HECW1: variants seen among roughly 807,000 people sequenced by gnomAD.
HECW1 encodes the protein E3 ubiquitin-protein ligase HECW1.
In HECW1, 61 loss-of-function variants were observed where a neutral mutation model predicts 182.3. That is an observed-to-expected ratio of 0.33 (90% CI 0.27 to 0.41). The LOEUF is 0.41. Ranked by LOEUF, HECW1 falls within the 10% of genes least tolerant of loss-of-function variation. The probability of loss-of-function intolerance (pLI) is 1.00; values close to 1 mark genes in which losing one functional copy is unlikely to be tolerated. For synonymous variants in HECW1, 859 were observed against 832.6 expected (o/e 1.03, Z -0.55); for missense variants, 1,739 against 2,108.9 (o/e 0.82, Z 3.44).
chr7:43,479,830 G>C (rs1336257899), intron 17 of HECW1, 86 bp downstream of exon 17: 8 of 1,517,214 alleles, frequency 5.3e-6, no homozygotes, highest in African/African-American at 1.4e-5. Context: ...TCAGTGGCTA[G>C]GATCTAGGGT....
In HECW1 at chr7:43,217,828, T is replaced by C. The variant is rs188597520; in HGVS notation, c.-31-26047T>C. On this transcript the variant is annotated intron_variant, in intron 2 of 29. Transcript: ENST00000395891. Reference sequence around the variant, plus strand: ...TAGAATTATCAGGAAAGGAACTATTTTTGGTCACTGAGCATCTAATTAATT... The same window carrying C: ...TAGAATTATCAGGAAAGGAACTATTCTTGGTCACTGAGCATCTAATTAATT... Among the ~76,000 whole-genome samples, 40 of 152,294 alleles carry C rather than the reference T, an allele frequency of 2.6e-4. No homozygotes were observed. In the East Asian group the frequency reaches 6.9e-3, roughly 26 times the overall value.
chr7:43,294,811 AG>A (rs1805834635), intron 3 of HECW1, among the ~76,000 whole-genome samples: 1 of 152,176 alleles, frequency 6.6e-6, no homozygotes, highest in Admixed American at 6.5e-5. Flanking sequence ...TATTTTGCCA[AG>A]GTTAAGGATG....
chr7:43,324,247 C>T (rs1280482395), intron 5 of HECW1, among the ~76,000 whole-genome samples: 3 of 152,094 alleles, frequency 2.0e-5, no homozygotes, highest in African/African-American at 4.8e-5. Context: ...ATATATCAAA[C>T]TAATGTAGTA....
In HECW1 at chr7:43,442,613, T is replaced by G. The variant is rs2076923258; in HGVS notation, c.1029T>G (p.Thr343=). The G allele has an allele frequency of 6.2e-7, 1 of 1,612,502 alleles. No homozygotes were observed. Among genetic ancestry groups the G allele is most frequent in the Non-Finnish European group, 8.5e-7 (1 of 1,178,550 alleles). ...AGCTGCAATTCCGATTTGAGATCAC[T>G]TCCTCCATCCACCCAGGTATTTTCA... ...SGQLQFRFEI[T]SSIHPDDEEI... is the part of the protein sequence containing the mutation. Residue 343 remains threonine (T), a synonymous_variant, in exon 10 of 30, where the codon ACT becomes ACG. Coordinates refer to ENST00000395891, the MANE Select transcript of HECW1 (RefSeq NM_015052.5).
At chr7:43,407,011 C>T (rs921651923) in intron 7 of HECW1, among the ~76,000 whole-genome samples, 11 of 152,040 alleles carry the variant, frequency 7.2e-5, no homozygotes, top group African/African-American at 1.9e-4. Context: ...ACCTTGTGCA[C>T]ACACACTCTT....
chr7:43,151,110 A>G (rs1789270334), intron 2 of HECW1: 1 of 152,952 alleles, frequency 6.5e-6, no homozygotes, highest in South Asian at 2.1e-4. Context: ...GACTGCAGAG[A>G]TGGTCCCGTG....
In HECW1 at chr7:43,554,600, G is replaced by C. The variant is rs773078887; in HGVS notation, c.4519G>C (p.Asp1507His). The change falls in exon 29 of 30, where the codon GAT (aspartate) becomes CAT (histidine). Residue 1507 changes from aspartate (D) to histidine (H), a missense_variant. Around this residue, in one of 5 missense-constraint regions of HECW1, gnomAD observed 420 missense variants for 595.7 expected, o/e 0.71. Transcript: ENST00000395891. Reference sequence around the variant, plus strand: ...CCCTTTGCCTCGTGCAGGTTACCACGATGGGCATCTTGTGATCCGCTGGTT... The same window carrying C: ...CCCTTTGCCTCGTGCAGGTTACCACCATGGGCATCTTGTGATCCGCTGGTT... ...NNTEYRGGYH[D>H]GHLVIRWFWA... 6.2e-7 allele frequency: 1 copy of C among 1,612,350 alleles called. No individual in the cohort carries two copies. The highest frequency in any genetic ancestry group is 8.5e-7 in the Non-Finnish European group (1 of 1,179,238).
rs780363076 is a variant in HECW1, at chr7:43,445,476, G to A, written c.2304G>A (p.Pro768=). 9.9e-6 allele frequency: 16 copies of A among 1,612,130 alleles called. No individual in the cohort carries two copies. Among genetic ancestry groups the A allele is most frequent in the Admixed American group, 1.7e-5 (1 of 59,994 alleles). ...LDPESTNGAG[P]WQDELAAPSG... is the part of the protein sequence containing the mutation. ...CGGAGTCCACGAACGGCGCTGGGCC[G>A]TGGCAAGACGAGCTGGCCGCCCCTA... Residue 768 remains proline (P), a synonymous_variant, in exon 11 of 30, where the codon CCG becomes CCA. Coordinates refer to ENST00000395891, the MANE Select transcript of HECW1 (RefSeq NM_015052.5).
intron 24 of HECW1, among the ~76,000 whole-genome samples, chr7:43,538,980 T>C (rs1471106170): frequency 6.6e-6 from 1 of 152,210 alleles, no homozygotes; most frequent in Non-Finnish European, 1.5e-5. Flanking sequence ...GATTTTTTTT[T>C]CTCCAGAAAT....
intron 2 of HECW1, among the ~76,000 whole-genome samples, chr7:43,139,827 G>T (rs1787973107): frequency 6.6e-6 from 1 of 152,100 alleles, no homozygotes; most frequent in Admixed American, 6.5e-5. Context: ...CAAATTTGGG[G>T]ATCAGATTAT....
intron 3 of HECW1, among the ~76,000 whole-genome samples, chr7:43,303,173 A>G (rs1294178838): frequency 6.6e-6 from 1 of 152,040 alleles, no homozygotes; most frequent in East Asian, 1.9e-4. Flanking sequence ...GCCTCCAAAC[A>G]TAAACCTCCC....
intron 5 of HECW1, among the ~76,000 whole-genome samples, chr7:43,328,828 A>T (rs955173148): frequency 3.9e-5 from 6 of 152,198 alleles, no homozygotes; most frequent in African/African-American, 1.2e-4. Flanking sequence ...CGACATAAAT[A>T]AAGGGTCAAG....
intron 6 of HECW1, among the ~76,000 whole-genome samples, chr7:43,378,816 T>A (rs60977844): frequency 0.59 from 89,426 of 150,512 alleles, 26,822 homozygotes; most frequent in African/African-American, 0.68. Flanking sequence ...AAAACAAAAA[T>A]AAAAACAAAA....
intron 2 of HECW1, among the ~76,000 whole-genome samples, chr7:43,143,340 G>A (rs907772605): frequency 7.9e-5 from 12 of 152,160 alleles, no homozygotes; most frequent in Admixed American, 6.5e-5. Context: ...CTGAAGTGCA[G>A]GGGCTTGATC....
chr7:43,250,133 A>ACACG (rs1799872080), intron 3 of HECW1, among the ~76,000 whole-genome samples: 2 of 101,172 alleles, frequency 2.0e-5, no homozygotes, highest in African/African-American at 5.4e-5. Context: ...ACACACACAC[A>ACACG]CGCGCACACA....
chr7:43,540,217 T>C (rs1037666772), intron 24 of HECW1, among the ~76,000 whole-genome samples: 1 of 152,200 alleles, frequency 6.6e-6, no homozygotes, highest in Admixed American at 6.5e-5. Context: ...TAAAAGGCAT[T>C]GGAGATAGAT....
chr7:43,228,310 A>C (rs1419741482), intron 2 of HECW1, among the ~76,000 whole-genome samples: 1 of 151,794 alleles, frequency 6.6e-6, no homozygotes, highest in Non-Finnish European at 1.5e-5. Flanking sequence ...ACATACAGAG[A>C]CCTCATCTCT....
At chr7:43,252,321 G>A (rs1800126870) in intron 3 of HECW1, among the ~76,000 whole-genome samples, 1 of 152,086 alleles carries the variant, frequency 6.6e-6, no homozygotes, top group South Asian at 2.1e-4. Context: ...TCACTCCCAG[G>A]GCTTGTGGTT....
Position 43,565,023 on chromosome 7 carries a change from A to G in HECW1, c.*3097A>G, listed in dbSNP as rs1256851967. ...TAATCAGGGGACAAACAAGAACAAT[A>G]AATAAGAGAAGATTTATGTTACAAC... On this transcript the variant is annotated 3_prime_UTR_variant, in exon 30 of 30. Coordinates refer to ENST00000395891, the MANE Select transcript of HECW1 (RefSeq NM_015052.5). 2.6e-5 allele frequency: 5 copies of G among 188,716 alleles called. No individual in the cohort carries two copies. In the East Asian group the frequency reaches 4.2e-4, roughly 16 times the overall value. The allele number at this position is 188,716 out of a possible 1,614,324, so 11.7% of individuals were successfully genotyped here. A position where few individuals can be genotyped will look rare whatever the true frequency, so the allele number is the denominator to read the frequency against.
Sources: allele counts gnomAD v4.1 joint callset (sites outside exome capture counted in the v4.1 genomes callset), GRCh38; gene constraint gnomAD v4.1.1; regional missense constraint gnomAD v4.1.1; transcripts MANE v1.5; gene names NCBI Gene and HGNC (gene_info 2026-07-23, HGNC 2026-07-21).